The following APOBEC3F variants were observed in gnomAD, a reference collection of about 807,000 sequenced individuals.
The protein encoded by APOBEC3F is apolipoprotein B mRNA editing enzyme catalytic subunit 3F.
In APOBEC3F, 34 loss-of-function variants were observed where a neutral mutation model predicts 45.8. The ratio of observed to expected loss-of-function variants is 0.74; its 90% confidence interval spans 0.57 to 0.99. The LOEUF is 0.99. Among genes scored for constraint, APOBEC3F ranks in the 50% least tolerant of loss-of-function variants. The pLI is 0.00. For synonymous variants in APOBEC3F, 192 were observed against 174.4 expected, an observed-to-expected ratio of 1.10 and a Z score of -0.80; for missense variants, 459 against 474.1, an observed-to-expected ratio of 0.97 and a Z score of 0.30.
intron 4 of APOBEC3F, among the ~76,000 whole-genome samples, chr22:39,048,765 C>G (rs900957381): frequency 6.6e-6 from 1 of 152,078 alleles, no homozygotes; most frequent in Admixed American, 6.6e-5. Context: ...CGAGATTGTG[C>G]CACTGCACTC....
At chr22:39,045,276 A>G (rs1927155795) in intron 3 of APOBEC3F, 56 bp downstream of exon 3, 1 of 1,595,202 alleles carries the variant, frequency 6.3e-7, no homozygotes, top group Non-Finnish European at 8.6e-7. Flanking sequence ...TGAAAGATGG[A>G]TGGATCTGCA....
In APOBEC3F at chr22:39,044,557, G is replaced by A. The variant is rs528138953; in HGVS notation, c.172-384G>A. The A allele has an allele frequency of 2.4e-5, 13 of 532,924 alleles. No homozygotes were observed. The South Asian group carries it at 3.6e-4, about 15-fold the overall frequency. The allele number at this position is 532,924 out of a possible 1,614,324, so 33.0% of individuals were successfully genotyped here. ...TCCAGACAGAGTGGCCTGGGATGTC[G>A]AGTCACTGCTGCTCCATGCCACGGG... On this transcript the variant is annotated intron_variant, in intron 2 of 6. Transcript: ENST00000308521.
intron 4 of APOBEC3F, among the ~76,000 whole-genome samples, chr22:39,048,893 G>A (rs571862118): frequency 3.3e-5 from 5 of 152,210 alleles, no homozygotes; most frequent in Admixed American, 2.0e-4. Flanking sequence ...GCTGAGGCAG[G>A]AGAATCACTT....
chr22:39,042,987 A>G lies in APOBEC3F; in HGVS notation c.68A>G (p.Asn23Ser). 1 of 1,614,144 alleles carries G rather than the reference A, an allele frequency of 6.2e-7. No individual in the cohort carries two copies. Among genetic ancestry groups the G allele is most frequent in the Non-Finnish European group, 8.5e-7 (1 of 1,180,020 alleles). Reference protein sequence around the residue: ...YRDTFSYNFYNRPILSRRNTV... With the variant: ...YRDTFSYNFYSRPILSRRNTV... ...GACACATTCTCCTACAACTTTTATAATAGACCCATCCTTTCTCGTCGGAAT... is the reference window on the plus strand; with the variant it reads ...GACACATTCTCCTACAACTTTTATAGTAGACCCATCCTTTCTCGTCGGAAT... The change falls in exon 2 of 7, where the codon AAT becomes AGT. Residue 23 changes from asparagine (N) to serine (S), a missense_variant. Physicochemically the swap from Asn to Ser is conservative, Grantham distance 46. Transcript: ENST00000308521.
At position 39,052,781 on chromosome 22, in the gene APOBEC3F, C is replaced by A; in HGVS notation, c.*86C>A. 6.5e-7 allele frequency: 1 copy of A among 1,529,092 alleles called. No individual in the cohort carries two copies. The highest frequency in any genetic ancestry group is 2.3e-5 in the East Asian group (1 of 43,850). 94.7% of individuals were successfully genotyped at this position (1,529,092 alleles called of 1,614,324 possible). On this transcript the variant is annotated 3_prime_UTR_variant, in exon 7 of 7. Transcript: ENST00000308521. ...TCCCCTCCATCCTGGACCAGCTGTG[C>A]TTTTGCCTGGTCATCCTGAGCCCCT...
In APOBEC3F at chr22:39,055,260, C is replaced by T. The variant is rs141570226; in HGVS notation, c.*2565C>T. On this transcript the variant is annotated 3_prime_UTR_variant, in exon 7 of 7. Transcript: ENST00000308521. The stretch of plus-strand genomic sequence containing the variant: ...GCTAATTTTGTAGTTTTAGTAGAGA[C>T]GGGGTTTCTCCATGTTGCTCAGGCT... Among the ~76,000 whole-genome samples, 886 of 150,928 alleles carry T rather than the reference C, an allele frequency of 5.9e-3. 5 individuals carry two copies. The highest frequency in any genetic ancestry group is 0.021 in the African/African-American group (845 of 41,012).
In APOBEC3F at chr22:39,044,171, A is replaced by T. The variant is rs114704208; in HGVS notation, c.172-770A>T. On this transcript the variant is annotated intron_variant, in intron 2 of 6. Coordinates refer to ENST00000308521, the MANE Select transcript of APOBEC3F (RefSeq NM_145298.6). ...CCACCACATGGGACAGCGCAGGTCC[A>T]GTGGCCTCCCCAGCTGACCGCAGGC... 3,048 of 1,603,482 alleles carry T rather than the reference A, an allele frequency of 1.9e-3. 48 individuals carry two copies. The African/African-American group carries it at 0.035, about 19-fold the overall frequency.
chr22:39,052,592 G>T lies in APOBEC3F; in HGVS notation c.1019G>T (p.Trp340Leu), dbSNP rs1376565021. The T allele has an allele frequency of 1.2e-6, 2 of 1,612,854 alleles. No individual in the cohort carries two copies. The highest frequency in any genetic ancestry group is 2.7e-5 in the African/African-American group (2 of 74,842). ...IMGYKDFKYC[W>L]ENFVYNDDEP... is the part of the protein sequence containing the mutation. The stretch of plus-strand genomic sequence containing the variant: ...TTTTTCTCAGATTTTAAATATTGTT[G>T]GGAAAACTTTGTGTACAATGATGAT... The change falls in exon 7 of 7, where the codon TGG becomes TTG. Residue 340 changes from tryptophan (W) to leucine (L), a missense_variant. Physicochemically the swap from Trp to Leu is moderately conservative, Grantham distance 61 (BLOSUM62 -2). Transcript: ENST00000308521.
rs1927666052 is a variant in APOBEC3F at position 39,055,680 on chromosome 22, C to G, written c.*2985C>G. Among the ~76,000 whole-genome samples the G allele has an allele frequency of 6.6e-6, 1 of 152,160 alleles. No homozygotes were observed. The highest frequency in any genetic ancestry group is 6.5e-5 in the Admixed American group (1 of 15,272). On this transcript the variant is annotated 3_prime_UTR_variant, in exon 7 of 7. Coordinates refer to ENST00000308521, the MANE Select transcript of APOBEC3F (RefSeq NM_145298.6). ...GACTGTTTGGCGCTGCTACCTGGGCCTGGTAGTTAAAGATCAACTCCTGAC... is the reference window on the plus strand; with the variant it reads ...GACTGTTTGGCGCTGCTACCTGGGCGTGGTAGTTAAAGATCAACTCCTGAC...
chr22:39,049,480 C>A lies in APOBEC3F; in HGVS notation c.622C>A (p.Arg208Ser), dbSNP rs1247334506. The A allele has an allele frequency of 6.2e-6, 10 of 1,614,092 alleles. No individual in the cohort carries two copies. The highest frequency in any genetic ancestry group is 8.5e-6 in the Non-Finnish European group (10 of 1,180,012). Residue 208 changes from arginine to serine, a missense_variant, in exon 5 of 7, where the codon CGC (arginine) becomes AGC (serine). Coordinates refer to ENST00000308521, the MANE Select transcript of APOBEC3F (RefSeq NM_145298.6). The part of the protein sequence containing the change: ...HIFYFHFKNL[R>S]KAYGRNESWL... The stretch of plus-strand genomic sequence containing the variant: ...ATTCTACTTCCACTTTAAAAACCTA[C>A]GCAAAGCCTATGGTCGGAACGAAAG...
At chr22:39,043,467 A>ATTTT (rs542976503) in intron 2 of APOBEC3F, among the ~76,000 whole-genome samples, 1 of 139,014 alleles carries the variant, frequency 7.2e-6, no homozygotes, top group Non-Finnish European at 1.5e-5. Flanking sequence ...CGCCCAGCTA[A>ATTTT]TTTTTTTTTT....
chr22:39,043,153 G>T (rs368241414), intron 2 of APOBEC3F, 63 bp downstream of exon 2: 1 of 1,585,628 alleles, frequency 6.3e-7, no homozygotes, highest in East Asian at 2.2e-5. Context: ...AGCAAACCAC[G>T]CACTGATAAG....
intron 6 of APOBEC3F, 58 bp from the exon 7 acceptor site, chr22:39,052,519 C>T (rs551533044): frequency 6.3e-7 from 1 of 1,581,448 alleles, no homozygotes; most frequent in East Asian, 2.2e-5. Context: ...AGGGGAGGGC[C>T]CAGGGCTGGG....
At chr22:39,048,183 T>A (rs976347852) in intron 4 of APOBEC3F, among the ~76,000 whole-genome samples, 2 of 152,316 alleles carry the variant, frequency 1.3e-5, no homozygotes, top group African/African-American at 4.8e-5. Context: ...AACAGCTCCC[T>A]CCTGCAGGGC....
At chr22:39,049,009 CAA>C (rs1927353178) in intron 4 of APOBEC3F, among the ~76,000 whole-genome samples, 1 of 34,272 alleles carries the variant, frequency 2.9e-5, no homozygotes, top group Non-Finnish European at 6.1e-5. Context: ...ACAAAAAAAA[CAA>C]AAAGAGTAGC....
intron 4 of APOBEC3F, among the ~76,000 whole-genome samples, chr22:39,048,947 T>A (rs151229901): frequency 0.014 from 2,180 of 151,942 alleles, 48 homozygotes; most frequent in African/African-American, 0.05. Context: ...ATCGCGCCAC[T>A]GCACTCCAGC....
At chr22:39,041,736 G>A (rs112217250) in intron 1 of APOBEC3F, among the ~76,000 whole-genome samples, 5,311 of 151,940 alleles carry the variant, frequency 0.035, 286 homozygotes, top group African/African-American at 0.12. Flanking sequence ...GGTGGCGGGC[G>A]CCTATAATCC....
chr22:39,048,941 C>T (rs569759045), intron 4 of APOBEC3F, among the ~76,000 whole-genome samples: 2 of 151,282 alleles, frequency 1.3e-5, no homozygotes, highest in African/African-American at 4.9e-5. Context: ...GCTGAGATCG[C>T]GCCACTGCAC....
chr22:39,041,702 A>C (rs148244917), intron 1 of APOBEC3F, among the ~76,000 whole-genome samples: 1,910 of 152,084 alleles, frequency 0.013, 43 homozygotes, highest in African/African-American at 0.044. Flanking sequence ...TGTCTCTACT[A>C]AAAATACAAA....
Sources: gnomAD v4.1 joint callset for allele counts (sites outside exome capture counted in the v4.1 genomes callset) on GRCh38, gnomAD v4.1.1 for gene constraint, MANE v1.5 for transcripts, NCBI Gene and HGNC (gene_info 2026-07-23, HGNC 2026-07-21) for gene names.